The following SNRK variants were observed in gnomAD, a reference collection of about 807,000 sequenced individuals.
SNRK encodes the protein SNF-related serine/threonine-protein kinase.
A neutral mutation model predicts 48.2 loss-of-function variants in SNRK; 3 were observed. The ratio of observed to expected loss-of-function variants is 0.06; its 90% CI spans 0.03 to 0.16. The LOEUF is 0.16. SNRK is among the 10% of genes least tolerant of loss of function. The pLI is 1.00. For synonymous variants in SNRK, 376 were observed against 366.1 expected (o/e 1.03, Z -0.31); for missense variants, 627 against 976.0 (o/e 0.64, Z 4.76).
rs201718634 is a variant in SNRK, at chr3:43,340,488, C to T, written c.933C>T (p.Asp311=). The change falls in exon 5 of 7, where the codon GAC becomes GAT. Residue 311 remains aspartate, a synonymous_variant. Coordinates refer to ENST00000296088, the MANE Select transcript of SNRK (RefSeq NM_017719.5). ...TGCTTGGGGACATAGCGGATCGAGA[C>T]GCCATTGTAGAGTACGTCAATGCCC... ...RMVLGDIADR[D]AIVEALETNR... The T allele has an allele frequency of 6.4e-5, 104 of 1,613,944 alleles. No individual in the cohort carries two copies. The highest frequency in any genetic ancestry group is 2.4e-5 in the Non-Finnish European group (28 of 1,179,990).
intron 3 of SNRK, among the ~76,000 whole-genome samples, chr3:43,329,307 G>T (rs1007571648): frequency 6.6e-6 from 1 of 151,998 alleles, no homozygotes; most frequent in Non-Finnish European, 1.5e-5. Flanking sequence ...GTGTGGTGGC[G>T]GGTGCCTGTA....
chr3:43,325,056 T>A (rs968766123), intron 3 of SNRK, among the ~76,000 whole-genome samples: 1 of 152,256 alleles, frequency 6.6e-6, no homozygotes, highest in Non-Finnish European at 1.5e-5. Flanking sequence ...CCCATTTTCT[T>A]AGCCTGCCAT....
chr3:43,315,433 C>T (rs987127205), intron 3 of SNRK, among the ~76,000 whole-genome samples: 3 of 152,090 alleles, frequency 2.0e-5, no homozygotes, highest in African/African-American at 4.8e-5. Flanking sequence ...GTTTTAGTAA[C>T]GTTTCAGTTT....
intron 3 of SNRK, among the ~76,000 whole-genome samples, chr3:43,316,374 G>C (rs1356324904): frequency 6.6e-6 from 1 of 151,800 alleles, no homozygotes; most frequent in Non-Finnish European, 1.5e-5. Context: ...TGTTGCCTGG[G>C]CCCCACCCCC....
At chr3:43,320,966 CCTTCAT>C (rs2091049426) in intron 3 of SNRK, among the ~76,000 whole-genome samples, 1 of 149,000 alleles carries the variant, frequency 6.7e-6, no homozygotes, top group African/African-American at 2.5e-5. Flanking sequence ...TATAGCAGAA[CCTTCAT>C]TTGGCTGAAA....
intron 1 of SNRK, among the ~76,000 whole-genome samples, chr3:43,294,251 C>G (rs895024950): frequency 3.9e-5 from 6 of 152,092 alleles, no homozygotes; most frequent in African/African-American, 1.4e-4. Flanking sequence ...GATTGAGTAT[C>G]TCTTGTCTAA....
At chr3:43,301,938 G>C (rs116470586) in intron 2 of SNRK, among the ~76,000 whole-genome samples, 3 of 152,154 alleles carry the variant, frequency 2.0e-5, no homozygotes, top group African/African-American at 7.2e-5. Context: ...TTGTTTTTCT[G>C]AGTCATTGTC....
intron 3 of SNRK, among the ~76,000 whole-genome samples, chr3:43,324,451 G>A (rs2091079569): frequency 6.7e-6 from 1 of 150,336 alleles, no homozygotes; most frequent in Admixed American, 6.7e-5. Context: ...GGAGGTTGCA[G>A]TAAGCTGCGA....
intron 3 of SNRK, among the ~76,000 whole-genome samples, chr3:43,331,944 G>T (rs371490605): frequency 1.3e-4 from 20 of 152,044 alleles, no homozygotes; most frequent in Non-Finnish European, 2.5e-4. Flanking sequence ...TCTCTTCATC[G>T]AACATTTATT....
At position 43,348,641 on chromosome 3, in the gene SNRK, A is replaced by G. The variant is rs2091299138; in HGVS notation, c.*84A>G. ...CTTCACTGTTCCATTTGGTTTTACT[A>G]TTTTAAAGTGGGCGTTAGGAGCAAT... On this transcript the variant is annotated 3_prime_UTR_variant, in exon 7 of 7. Coordinates refer to ENST00000296088, the MANE Select transcript of SNRK (RefSeq NM_017719.5). 1 of 1,357,514 alleles carries G rather than the reference A, an allele frequency of 7.4e-7. No individual in the cohort carries two copies. The allele number at this position is 1,357,514 out of a possible 1,614,324, so 84.1% of individuals were successfully genotyped here.
chr3:43,310,857 A>G (rs1255731185), intron 3 of SNRK, among the ~76,000 whole-genome samples: 1 of 152,130 alleles, frequency 6.6e-6, no homozygotes, highest in African/African-American at 2.4e-5. Flanking sequence ...GTGCTTCATT[A>G]AGCAGGTTTT....
chr3:43,300,203 A>G (rs542677241), intron 2 of SNRK, among the ~76,000 whole-genome samples: 21 of 152,268 alleles, frequency 1.4e-4, no homozygotes, highest in African/African-American at 4.6e-4. Flanking sequence ...GATTATTTCT[A>G]TTTAATCTAT....
Position 43,347,064 on chromosome 3 carries a change from A to G in SNRK, c.1080-275A>G. On this transcript the variant is annotated intron_variant, in intron 6 of 6. Coordinates refer to ENST00000296088, the MANE Select transcript of SNRK (RefSeq NM_017719.5). This position sits in a 1 kb window ranked among gnomAD's most constrained non-coding sequence, Gnocchi z 5.4. The stretch of plus-strand genomic sequence containing the variant: ...TTTAGTATAAAGCTTTTGTATAGAA[A>G]AGATGGAGTAGCTCTTTGCCCTATT... The G allele has an allele frequency of 2.8e-6, 1 of 355,980 alleles. No homozygotes were observed. Among genetic ancestry groups the G allele is most frequent in the Non-Finnish European group, 5.1e-6 (1 of 196,656 alleles). 22.1% of individuals were successfully genotyped at this position (355,980 alleles called of 1,614,324 possible).
rs781290797 is a variant in SNRK at position 43,348,567 on chromosome 3, C to A, written c.*10C>A. Reference sequence around the variant, plus strand: ...TTGCCATGTCATCTGACTGTGGCCCCATCTGGCCGCTAGCACGCTTCCTGC... The same window carrying A: ...TTGCCATGTCATCTGACTGTGGCCCAATCTGGCCGCTAGCACGCTTCCTGC... On this transcript the variant is annotated 3_prime_UTR_variant, in exon 7 of 7. Transcript: ENST00000296088. 12 of 1,520,888 alleles carry A rather than the reference C, an allele frequency of 7.9e-6. No individual in the cohort carries two copies. Among genetic ancestry groups the A allele is most frequent in the Non-Finnish European group, 1.1e-5 (12 of 1,138,564 alleles). The allele number at this position is 1,520,888 out of a possible 1,614,324, so 94.2% of individuals were successfully genotyped here.
chr3:43,292,878 A>G (rs1438748466), intron 1 of SNRK, among the ~76,000 whole-genome samples: 1 of 151,970 alleles, frequency 6.6e-6, no homozygotes, highest in African/African-American at 2.4e-5. Flanking sequence ...CTTTTTTTTA[A>G]GTACTGGGAT....
chr3:43,324,385 T>A (rs1388405510), intron 3 of SNRK, among the ~76,000 whole-genome samples: 1 of 152,068 alleles, frequency 6.6e-6, no homozygotes, highest in African/African-American at 2.4e-5. Context: ...GGCACATGCC[T>A]GTGGTTCCGG....
intron 3 of SNRK, among the ~76,000 whole-genome samples, chr3:43,318,982 C>T (rs955750838): frequency 6.6e-6 from 1 of 150,508 alleles, no homozygotes; most frequent in East Asian, 1.9e-4. Context: ...GAGCTGAGAT[C>T]GTGCCACTGC....
chr3:43,286,636 G>C lies in SNRK; in HGVS notation c.-208G>C, dbSNP rs1296229190. ...CGGCGGCCGGGAGGGAGTTGTCGGC[G>C]CCGCGGCCGCTGCGGACGGACGCTC... On this transcript the variant is annotated 5_prime_UTR_variant, in exon 1 of 7. Coordinates refer to ENST00000296088, the MANE Select transcript of SNRK (RefSeq NM_017719.5). The C allele has an allele frequency of 6.7e-6, 1 of 150,082 alleles. No homozygotes were observed. The highest frequency in any genetic ancestry group is 2.0e-4 in the East Asian group (1 of 5,108). The allele number at this position is 150,082 out of a possible 1,614,324, so 9.3% of individuals were successfully genotyped here.
Position 43,340,307 on chromosome 3 carries a change from A to G in SNRK, c.752A>G (p.Gln251Arg). 1.2e-6 allele frequency: 2 copies of G among 1,614,150 alleles called. No homozygotes were observed. The highest frequency in any genetic ancestry group is 1.7e-6 in the Non-Finnish European group (2 of 1,179,986). Residue 251 changes from glutamine (Q) to arginine (R), a missense_variant, in exon 5 of 7, where the codon CAG (glutamine) becomes CGG (arginine). Gln to Arg is a conservative substitution (Grantham distance 43, BLOSUM62 1). Transcript: ENST00000296088. Reference sequence around the variant, plus strand: ...TCCAGCCTAATCACACGGATGCTACAGAGAGATCCCAAGAGAAGGGCTTCT... The same window carrying G: ...TCCAGCCTAATCACACGGATGCTACGGAGAGATCCCAAGAGAAGGGCTTCT... Reference protein sequence around the residue: ...ECKDLITRMLQRDPKRRASLE... With the variant: ...ECKDLITRMLRRDPKRRASLE...
Sources: gnomAD v4.1 joint callset for allele counts (sites outside exome capture counted in the v4.1 genomes callset) on GRCh38, gnomAD v4.1.1 for gene constraint, Gnocchi (gnomAD v3.1) non-coding constraint, MANE v1.5 for transcripts, NCBI Gene and HGNC (gene_info 2026-07-23, HGNC 2026-07-21) for gene names.